ZMAT4: variants seen among roughly 807,000 people sequenced by gnomAD.
The protein encoded by ZMAT4 is zinc finger matrin-type protein 4.
A neutral mutation model predicts 28.7 loss-of-function variants in ZMAT4; 17 were observed. That is an observed-to-expected ratio of 0.59 (90% CI 0.41 to 0.89). The LOEUF (loss-of-function observed/expected upper bound fraction) is 0.89. ZMAT4 is among the 40% of genes least tolerant of loss of function. ZMAT4 has a pLI of 0.00. For missense variants in ZMAT4, 240 were observed against 283.8 expected (o/e 0.85, Z 1.11); for synonymous variants, 117 against 109.2 (o/e 1.07, Z -0.44).
At chr8:40,752,950 A>C (rs1812518450) in intron 3 of ZMAT4, among the ~76,000 whole-genome samples, 2 of 152,024 alleles carry the variant, frequency 1.3e-5, no homozygotes, top group African/African-American at 4.8e-5. Context: ...ATAGGTATAA[A>C]TGTGCCATAG....
intron 2 of ZMAT4, among the ~76,000 whole-genome samples, chr8:40,813,004 T>C (rs1815389455): frequency 6.6e-6 from 1 of 150,448 alleles, no homozygotes; most frequent in Non-Finnish European, 1.5e-5. Flanking sequence ...AAAATATATA[T>C]ATGCTATATA....
intron 3 of ZMAT4, among the ~76,000 whole-genome samples, chr8:40,751,002 A>T (rs942070263): frequency 6.6e-6 from 1 of 152,200 alleles, no homozygotes; most frequent in Admixed American, 6.5e-5. Context: ...CTGCTAAAGG[A>T]TGTGGTGTAT....
intron 2 of ZMAT4, among the ~76,000 whole-genome samples, chr8:40,779,436 A>G (rs1813738275): frequency 6.6e-6 from 1 of 151,946 alleles, no homozygotes. Flanking sequence ...GAGAAGCCAG[A>G]GAGAAACACA....
At chr8:40,702,073 C>T (rs72639686) in intron 3 of ZMAT4, among the ~76,000 whole-genome samples, 47,592 of 152,024 alleles carry the variant, frequency 0.31, 9,211 homozygotes, top group Middle Eastern at 0.53. Flanking sequence ...CACTTGCTTT[C>T]GGTCACCGTG....
At chr8:40,823,364 A>G (rs1343979747) in intron 2 of ZMAT4, among the ~76,000 whole-genome samples, 1 of 152,148 alleles carries the variant, frequency 6.6e-6, no homozygotes, top group African/African-American at 2.4e-5. Flanking sequence ...AAAACATACT[A>G]ATAAAAAAAT....
chr8:40,739,817 C>T (rs545291542), intron 3 of ZMAT4, among the ~76,000 whole-genome samples: 1 of 152,242 alleles, frequency 6.6e-6, no homozygotes, highest in South Asian at 2.1e-4. Flanking sequence ...CGCCGACAGG[C>T]CCCGGTGTAT....
chr8:40,867,025 A>T (rs1176425928), intron 1 of ZMAT4, among the ~76,000 whole-genome samples: 1 of 152,132 alleles, frequency 6.6e-6, no homozygotes, highest in African/African-American at 2.4e-5. Flanking sequence ...TTCTTCTCTA[A>T]CTTCAAAATG....
intron 5 of ZMAT4, among the ~76,000 whole-genome samples, chr8:40,616,838 T>C (rs1806025625): frequency 6.7e-6 from 1 of 149,448 alleles, no homozygotes; most frequent in Non-Finnish European, 1.5e-5. Context: ...TACACATATG[T>C]AACAAGCCTG....
Position 40,532,190 on chromosome 8 carries a change from T to C in ZMAT4, c.*33A>G, listed in dbSNP as rs1051615126. The stretch of plus-strand genomic sequence containing the variant: ...ATTCTCCACGGCAGAGAAATGCTAA[T>C]GTTTTGTTCTTATGTCTTGATTGAT... On this transcript the variant is annotated 3_prime_UTR_variant, in exon 7 of 7. Coordinates refer to ENST00000297737, the MANE Select transcript of ZMAT4 (RefSeq NM_024645.3). The C allele has an allele frequency of 6.4e-7, 1 of 1,571,084 alleles. No individual in the cohort carries two copies. The highest frequency in any genetic ancestry group is 8.6e-7 in the Non-Finnish European group (1 of 1,158,026).
intron 2 of ZMAT4, among the ~76,000 whole-genome samples, chr8:40,813,581 T>C (rs1815414778): frequency 6.6e-6 from 1 of 152,266 alleles, no homozygotes; most frequent in Non-Finnish European, 1.5e-5. Context: ...GCTTTGGGTC[T>C]TTAAAGCAAG....
intron 3 of ZMAT4, among the ~76,000 whole-genome samples, chr8:40,741,217 G>A (rs1452644171): frequency 2.6e-5 from 4 of 152,106 alleles, no homozygotes; most frequent in African/African-American, 9.7e-5. Flanking sequence ...GGCCGAGGAG[G>A]GTGGATCACC....
At chr8:40,780,400 G>A (rs1040558571) in intron 2 of ZMAT4, among the ~76,000 whole-genome samples, 2 of 152,204 alleles carry the variant, frequency 1.3e-5, no homozygotes, top group African/African-American at 4.8e-5. Context: ...TTCTCATAAA[G>A]TCGAACAATT....
At chr8:40,730,188 T>A (rs1811477304) in intron 3 of ZMAT4, among the ~76,000 whole-genome samples, 1 of 152,170 alleles carries the variant, frequency 6.6e-6, no homozygotes, top group Non-Finnish European at 1.5e-5. Context: ...ACAGTAAAAT[T>A]TTTCCCAGTC....
At chr8:40,805,240 T>C (rs1461033639) in intron 2 of ZMAT4, among the ~76,000 whole-genome samples, 1 of 150,528 alleles carries the variant, frequency 6.6e-6, no homozygotes, top group Non-Finnish European at 1.5e-5. Flanking sequence ...CACAATGAGA[T>C]ACCATCTCAC....
intron 1 of ZMAT4, among the ~76,000 whole-genome samples, chr8:40,841,271 C>A (rs1272001319): frequency 6.6e-6 from 1 of 152,162 alleles, no homozygotes; most frequent in Non-Finnish European, 1.5e-5. Context: ...CTGATAAGAG[C>A]CAGTTTGAAA....
At chr8:40,790,512 T>A (rs944028767) in intron 2 of ZMAT4, among the ~76,000 whole-genome samples, 1 of 152,216 alleles carries the variant, frequency 6.6e-6, no homozygotes, top group Non-Finnish European at 1.5e-5. Context: ...ATAACATTTA[T>A]AATTTAATTG....
chr8:40,628,636 G>T (rs1018046964), intron 5 of ZMAT4, among the ~76,000 whole-genome samples: 1 of 152,160 alleles, frequency 6.6e-6, no homozygotes, highest in Non-Finnish European at 1.5e-5. Flanking sequence ...AAGGAGGGAA[G>T]GAGGAATTGG....
At chr8:40,582,514 C>G (rs1205592785) in intron 5 of ZMAT4, among the ~76,000 whole-genome samples, 1 of 152,010 alleles carries the variant, frequency 6.6e-6, no homozygotes, top group Non-Finnish European at 1.5e-5. Context: ...CATATATATA[C>G]AACAATGTTT....
chr8:40,741,734 G>A (rs1037201367), intron 3 of ZMAT4, among the ~76,000 whole-genome samples: 3 of 152,136 alleles, frequency 2.0e-5, no homozygotes, highest in Non-Finnish European at 4.4e-5. Context: ...ATTGAATTGT[G>A]GCAATGACAA....
Sources: allele counts gnomAD v4.1 joint callset (sites outside exome capture counted in the v4.1 genomes callset), GRCh38; gene constraint gnomAD v4.1.1; transcripts MANE v1.5; gene names NCBI Gene and HGNC (gene_info 2026-07-23, HGNC 2026-07-21).